The following EMCN variants were observed in gnomAD, a reference collection of about 807,000 sequenced individuals.
EMCN encodes endomucin.
In EMCN, 37 loss-of-function variants were observed where a neutral mutation model predicts 38.4. The ratio of observed to expected loss-of-function variants is 0.96; its 90% confidence interval spans 0.74 to 1.27. The LOEUF is 1.27. EMCN is among the 50% of genes most tolerant of loss of function. The probability of loss-of-function intolerance (pLI) is 0.00; values close to 1 mark genes in which losing one functional copy is unlikely to be tolerated. For synonymous variants in EMCN, 95 were observed against 100.8 expected (o/e 0.94, Z 0.35); for missense variants, 318 against 302.8 (o/e 1.05, Z -0.37).
chr4:100,489,233 G>T (rs1501082), intron 1 of EMCN, among the ~76,000 whole-genome samples: 24,885 of 152,096 alleles, frequency 0.16, 3,199 homozygotes, highest in East Asian at 0.7. Flanking sequence ...TGTGGTTGCA[G>T]TATTCCCATG....
intron 3 of EMCN, among the ~76,000 whole-genome samples, chr4:100,470,315 T>A (rs1728440088): frequency 6.7e-6 from 1 of 148,404 alleles, no homozygotes. Context: ...ATTAGAGACA[T>A]GCAAATCAAA....
At chr4:100,468,920 C>G (rs1728397656) in intron 3 of EMCN, among the ~76,000 whole-genome samples, 1 of 151,674 alleles carries the variant, frequency 6.6e-6, no homozygotes. Flanking sequence ...TCCTGAATAG[C>G]AAAACAATCT....
intron 4 of EMCN, among the ~76,000 whole-genome samples, chr4:100,458,731 T>G (rs1216214660): frequency 1.3e-5 from 2 of 152,148 alleles, no homozygotes; most frequent in Admixed American, 1.3e-4. Context: ...TCTTTTCAAT[T>G]GACCTTCACT....
At chr4:100,492,561 G>A (rs1729110731) in intron 1 of EMCN, among the ~76,000 whole-genome samples, 6 of 152,062 alleles carry the variant, frequency 3.9e-5, no homozygotes, top group Admixed American at 3.3e-4. Flanking sequence ...AAGTGCAGAT[G>A]TCTTAAATCA....
intron 5 of EMCN, among the ~76,000 whole-genome samples, chr4:100,444,449 C>A (rs766720841): frequency 3.3e-5 from 5 of 152,036 alleles, no homozygotes; most frequent in Non-Finnish European, 4.4e-5. Context: ...GTCTGTGATC[C>A]TGGATGGTGG....
At chr4:100,449,413 T>TC (rs1241368379) in intron 4 of EMCN, among the ~76,000 whole-genome samples, 1 of 152,134 alleles carries the variant, frequency 6.6e-6, no homozygotes, top group Admixed American at 6.6e-5. Context: ...CTAGTTTTCA[T>TC]CTTCTTTCAG....
At position 100,399,260 on chromosome 4, in the gene EMCN, G is replaced by A. The variant is rs185114989; in HGVS notation, c.*40-887C>T. ...TGTCCCAAGTACGAAAAGGGTAGTG[G>A]CCCAAACTGGCAGAGATTAGGTGGT... is the stretch of plus-strand genomic sequence containing the variant. On this transcript the variant is annotated intron_variant, in intron 11 of 11. Transcript: ENST00000296420. Among the ~76,000 whole-genome samples the A allele has an allele frequency of 2.0e-5, 3 of 152,262 alleles. No individual in the cohort carries two copies. The East Asian group carries it at 5.8e-4, about 29-fold the overall frequency.
At chr4:100,470,141 C>A (rs1408477540) in intron 3 of EMCN, among the ~76,000 whole-genome samples, 1 of 151,898 alleles carries the variant, frequency 6.6e-6, no homozygotes, top group East Asian at 1.9e-4. Context: ...GCATACTCTG[C>A]ATCCAACAAA....
At chr4:100,516,396 C>A (rs1560649720) in intron 1 of EMCN, among the ~76,000 whole-genome samples, 1 of 151,950 alleles carries the variant, frequency 6.6e-6, no homozygotes, top group South Asian at 2.1e-4. Context: ...CCTGGAGCAG[C>A]GAGCAGGCTA....
At chr4:100,513,404 A>G (rs1729676659) in intron 1 of EMCN, among the ~76,000 whole-genome samples, 1 of 152,176 alleles carries the variant, frequency 6.6e-6, no homozygotes, top group Non-Finnish European at 1.5e-5. Flanking sequence ...ATAAAGATGT[A>G]TGATTTTTTT....
chr4:100,449,004 A>G (rs1007723245), intron 4 of EMCN, among the ~76,000 whole-genome samples: 1 of 151,962 alleles, frequency 6.6e-6, no homozygotes, highest in African/African-American at 2.4e-5. Flanking sequence ...TATTACTACC[A>G]TGTATGTACT....
intron 1 of EMCN, among the ~76,000 whole-genome samples, chr4:100,500,907 C>T (rs567352550): frequency 1.1e-4 from 17 of 151,950 alleles, no homozygotes; most frequent in Non-Finnish European, 2.4e-4. Flanking sequence ...AATTTTTTGA[C>T]TGGGTTGTTT....
At chr4:100,477,224 T>C (rs1728684547) in intron 2 of EMCN, among the ~76,000 whole-genome samples, 1 of 152,126 alleles carries the variant, frequency 6.6e-6, no homozygotes, top group Non-Finnish European at 1.5e-5. Flanking sequence ...ATTCAATGTT[T>C]TTAAAATGAA....
intron 8 of EMCN, among the ~76,000 whole-genome samples, chr4:100,417,604 A>C (rs1009875185): frequency 6.6e-6 from 1 of 152,192 alleles, no homozygotes; most frequent in African/African-American, 2.4e-5. Context: ...CAATGTAGAT[A>C]CTATATCTAA....
At chr4:100,408,680 T>C (rs1024159518) in intron 11 of EMCN, among the ~76,000 whole-genome samples, 9 of 152,262 alleles carry the variant, frequency 5.9e-5, no homozygotes, top group African/African-American at 2.2e-4. Flanking sequence ...AGATCTCAGC[T>C]TAGCACTCCC....
At chr4:100,403,946 G>A (rs773361683) in intron 11 of EMCN, among the ~76,000 whole-genome samples, 4 of 151,998 alleles carry the variant, frequency 2.6e-5, no homozygotes, top group Non-Finnish European at 5.9e-5. Flanking sequence ...ATTTGTTTAA[G>A]TTCCTTATAG....
chr4:100,460,760 T>G (rs961840005), intron 4 of EMCN, among the ~76,000 whole-genome samples: 1 of 152,190 alleles, frequency 6.6e-6, no homozygotes, highest in Admixed American at 6.5e-5. Context: ...TTCACCCCGT[T>G]GATTGTTTCC....
chr4:100,441,267 T>A (rs1463017541), intron 5 of EMCN, among the ~76,000 whole-genome samples: 11 of 152,206 alleles, frequency 7.2e-5, no homozygotes, highest in African/African-American at 2.7e-4. Flanking sequence ...AATAATGACA[T>A]TCTTTGTCTC....
intron 5 of EMCN, among the ~76,000 whole-genome samples, chr4:100,431,328 G>T (rs1312683856): frequency 6.6e-6 from 1 of 152,204 alleles, no homozygotes; most frequent in African/African-American, 2.4e-5. Flanking sequence ...GGCCACAGGT[G>T]CCCAGATGTT....
Sources: gnomAD v4.1 joint callset for allele counts (sites outside exome capture counted in the v4.1 genomes callset) on GRCh38, gnomAD v4.1.1 for gene constraint, MANE v1.5 for transcripts, NCBI Gene and HGNC (gene_info 2026-07-23, HGNC 2026-07-21) for gene names.